Variants in CNTN4 observed in about 807,000 individuals in gnomAD.
CNTN4 encodes contactin-4.
A neutral mutation model predicts 122.5 loss-of-function variants in CNTN4; 77 were observed. That is an observed-to-expected ratio of 0.63 (90% CI 0.52 to 0.76). CNTN4 has a LOEUF of 0.76. CNTN4 is among the 30% of genes least tolerant of loss of function. The pLI is 0.00. For synonymous variants in CNTN4, 512 were observed against 447.0 expected (o/e 1.15, Z -1.83); for missense variants, 1,256 against 1,259.1 (o/e 1.00, Z 0.04).
chr3:2,446,102 T>C (rs2134356), intron 3 of CNTN4, among the ~76,000 whole-genome samples: 60,778 of 152,024 alleles, frequency 0.4, 14,053 homozygotes, highest in East Asian at 0.77. Context: ...CTTAAGTCCA[T>C]AATTCCCTAA....
chr3:2,620,350 A>G lies in CNTN4; in HGVS notation c.55+48792A>G, dbSNP rs545582658. On this transcript the variant is annotated intron_variant, in intron 4 of 24. Coordinates refer to ENST00000418658, the MANE Select transcript of CNTN4 (RefSeq NM_175607.3). ...CCCTGTATCTATGAAAATACAAAAA[A>G]TAAGCCAGGCATGGTGGCATGTGCC... is the stretch of plus-strand genomic sequence containing the variant. 1.6e-4 allele frequency among the ~76,000 whole-genome samples: 25 copies of G among 152,020 alleles called. No homozygotes were observed. The South Asian group carries it at 4.8e-3, about 29-fold the overall frequency.
intron 3 of CNTN4, among the ~76,000 whole-genome samples, chr3:2,438,358 C>T (rs1351753604): frequency 2.6e-5 from 4 of 152,146 alleles, no homozygotes; most frequent in Non-Finnish European, 4.4e-5. Flanking sequence ...CCCATCTCTA[C>T]TGAAAATACA....
intron 3 of CNTN4, among the ~76,000 whole-genome samples, chr3:2,546,112 T>A (rs2078234467): frequency 6.6e-6 from 1 of 152,116 alleles, no homozygotes; most frequent in Non-Finnish European, 1.5e-5. Flanking sequence ...AATGTGGTGA[T>A]TTGTCAAAGA....
chr3:2,284,794 A>C (rs2041844078), intron 2 of CNTN4, among the ~76,000 whole-genome samples: 1 of 151,892 alleles, frequency 6.6e-6, no homozygotes, highest in African/African-American at 2.4e-5. Context: ...AGAGTCATTA[A>C]AAAAATCTTG....
intron 3 of CNTN4, among the ~76,000 whole-genome samples, chr3:2,366,625 A>G (rs1387413413): frequency 6.6e-6 from 1 of 151,852 alleles, no homozygotes; most frequent in Non-Finnish European, 1.5e-5. Context: ...TACTCGGGAA[A>G]CTGAGGCAGG....
intron 2 of CNTN4, among the ~76,000 whole-genome samples, chr3:2,332,882 AAAAT>A (rs1197723271): frequency 2.0e-5 from 3 of 150,494 alleles, no homozygotes; most frequent in African/African-American, 7.3e-5. Flanking sequence ...GTATAATAAT[AAAAT>A]AAAATTAAAA....
intron 7 of CNTN4, among the ~76,000 whole-genome samples, chr3:2,829,337 C>G (rs1377917447): frequency 6.6e-6 from 1 of 152,178 alleles, no homozygotes; most frequent in African/African-American, 2.4e-5. Flanking sequence ...CTATCTGACC[C>G]ACATGGCCTG....
At chr3:2,155,293 C>CTGAT (rs2035671355) in intron 2 of CNTN4, among the ~76,000 whole-genome samples, 1 of 152,178 alleles carries the variant, frequency 6.6e-6, no homozygotes, top group African/African-American at 2.4e-5. Context: ...CTCTTACCTT[C>CTGAT]TGATTGCAGA....
chr3:2,311,080 G>C (rs72992048), intron 2 of CNTN4, among the ~76,000 whole-genome samples: 1 of 152,032 alleles, frequency 6.6e-6, no homozygotes, highest in Non-Finnish European at 1.5e-5. Context: ...GAAGCAAACA[G>C]AATAAAAACA....
intron 6 of CNTN4, among the ~76,000 whole-genome samples, chr3:2,778,664 G>C (rs1460920928): frequency 6.6e-6 from 1 of 152,160 alleles, no homozygotes; most frequent in African/African-American, 2.4e-5. Context: ...AAAGGAATCT[G>C]TTCTTATCAT....
At chr3:2,324,814 T>TCGCAAACAATCATA (rs2043397326) in intron 2 of CNTN4, among the ~76,000 whole-genome samples, 1 of 151,590 alleles carries the variant, frequency 6.6e-6, no homozygotes, top group Non-Finnish European at 1.5e-5. Flanking sequence ...TACCCTCCCC[T>TCGCAAACAATCATA]AGCCCCCAAC....
At chr3:2,248,384 A>G (rs1353461581) in intron 2 of CNTN4, among the ~76,000 whole-genome samples, 1 of 151,988 alleles carries the variant, frequency 6.6e-6, no homozygotes, top group Non-Finnish European at 1.5e-5. Flanking sequence ...CTTAGGTGTG[A>G]ACCATTTCTG....
At chr3:2,706,797 A>G (rs1028532745) in intron 4 of CNTN4, among the ~76,000 whole-genome samples, 1 of 152,188 alleles carries the variant, frequency 6.6e-6, no homozygotes, top group African/African-American at 2.4e-5. Context: ...TCCAGAGCCA[A>G]CCTACCAAAT....
chr3:2,315,909 A>G (rs1442106942), intron 2 of CNTN4, among the ~76,000 whole-genome samples: 10 of 152,074 alleles, frequency 6.6e-5, no homozygotes, highest in Admixed American at 6.6e-4. Flanking sequence ...ATGACCTTTG[A>G]TGAATGTTTG....
chr3:2,231,130 AT>A (rs1314990929), intron 2 of CNTN4, among the ~76,000 whole-genome samples: 5 of 152,198 alleles, frequency 3.3e-5, no homozygotes, highest in African/African-American at 1.2e-4. Context: ...ATGTCAAAAA[AT>A]ATTATCATTC....
intron 13 of CNTN4, among the ~76,000 whole-genome samples, chr3:2,968,333 G>GA (rs985984022): frequency 1.3e-5 from 2 of 151,950 alleles, no homozygotes; most frequent in Admixed American, 1.3e-4. Flanking sequence ...CAAAACCAAG[G>GA]AAAAAAATGT....
At chr3:2,103,503 T>C (rs528839005) in intron 2 of CNTN4, among the ~76,000 whole-genome samples, 1 of 152,318 alleles carries the variant, frequency 6.6e-6, no homozygotes, top group African/African-American at 2.4e-5. Flanking sequence ...GAAGATTCTA[T>C]TGTGGGAGTC....
chr3:2,658,458 A>G (rs988284851), intron 4 of CNTN4, among the ~76,000 whole-genome samples: 1 of 152,072 alleles, frequency 6.6e-6, no homozygotes, highest in African/African-American at 2.4e-5. Context: ...TACCATGGAC[A>G]CTCTCATTTG....
At chr3:2,287,527 C>T (rs940516595) in intron 2 of CNTN4, among the ~76,000 whole-genome samples, 3 of 151,294 alleles carry the variant, frequency 2.0e-5, no homozygotes, top group African/African-American at 7.3e-5. Context: ...CACTGGTGCC[C>T]GGGAGATCAA....
Sources: allele counts gnomAD v4.1 joint callset (sites outside exome capture counted in the v4.1 genomes callset), GRCh38; gene constraint gnomAD v4.1.1; transcripts MANE v1.5; gene names NCBI Gene and HGNC (gene_info 2026-07-23, HGNC 2026-07-21).